The following GARNL3 variants were observed in gnomAD, a reference collection of about 807,000 sequenced individuals.
The protein encoded by GARNL3 is GTPase activating Rap/RanGAP domain like 3.
GARNL3 carries 63 observed loss-of-function variants against 125.0 expected under a neutral mutation model. That is an observed-to-expected ratio of 0.50 (90% CI 0.41 to 0.62). The LOEUF (loss-of-function observed/expected upper bound fraction) is 0.62, where lower values mean the gene tolerates loss of function less well. GARNL3 is among the 20% of genes least tolerant of loss of function. The pLI, the probability that GARNL3 is intolerant of heterozygous loss-of-function variation, is 0.00. For missense variants in GARNL3, 994 were observed against 1,244.0 expected (o/e 0.80, Z 3.02); for synonymous variants, 439 against 457.5 (o/e 0.96, Z 0.52).
chr9:127,257,947 T>C (rs1769563628), intron 2 of GARNL3, among the ~76,000 whole-genome samples: 1 of 152,240 alleles, frequency 6.6e-6, no homozygotes, highest in Admixed American at 6.5e-5. Flanking sequence ...TAGTGGCTAC[T>C]GTGTGCCATA....
chr9:127,319,418 G>A (rs1379013227), intron 5 of GARNL3, among the ~76,000 whole-genome samples: 1 of 151,984 alleles, frequency 6.6e-6, no homozygotes, highest in African/African-American at 2.4e-5. Context: ...GGAGGTGGAG[G>A]GTGCAGTGAG....
rs536624225 is a variant in GARNL3, at chr9:127,287,575, C to T, written c.145-3593C>T. Reference sequence around the variant, plus strand: ...CATCAGGCCCCAGCCACCACAGCCCCCTCTGCTTTAGTTAGCAAGCTGTGT... The same window carrying T: ...CATCAGGCCCCAGCCACCACAGCCCTCTCTGCTTTAGTTAGCAAGCTGTGT... On this transcript the variant is annotated intron_variant, in intron 1 of 27. Coordinates refer to ENST00000373387, the MANE Select transcript of GARNL3 (RefSeq NM_032293.5). Among the ~76,000 whole-genome samples the T allele has an allele frequency of 5.9e-5, 9 of 152,340 alleles. No homozygotes were observed. In the South Asian group the frequency reaches 1.7e-3, roughly 28 times the overall value.
At chr9:127,379,001 CTCCTGACCTCAAG>C (rs1832097792) in intron 22 of GARNL3, among the ~76,000 whole-genome samples, 1 of 152,178 alleles carries the variant, frequency 6.6e-6, no homozygotes, top group Admixed American at 6.5e-5. Context: ...TGGTCTCAAA[CTCCTGACCTCAAG>C]TGATCTGCCC....
chr9:127,278,448 G>T (rs765460750), intron 1 of GARNL3, among the ~76,000 whole-genome samples: 5 of 152,174 alleles, frequency 3.3e-5, no homozygotes, highest in Non-Finnish European at 4.4e-5. Context: ...AGCAATAGTT[G>T]CAGGTGTCCT....
chr9:127,351,842 T>G (rs1388441383), intron 17 of GARNL3, among the ~76,000 whole-genome samples: 1 of 152,226 alleles, frequency 6.6e-6, no homozygotes, highest in Non-Finnish European at 1.5e-5. Context: ...TCTAAAAGAT[T>G]GTTCTTCATA....
chr9:127,346,376 A>G (rs1830140394), intron 16 of GARNL3, among the ~76,000 whole-genome samples: 1 of 152,192 alleles, frequency 6.6e-6, no homozygotes, highest in Non-Finnish European at 1.5e-5. Flanking sequence ...TACGTGCTTT[A>G]AAGTCTGGTT....
intron 4 of GARNL3, 58 bp downstream of exon 4, chr9:127,313,617 C>A: frequency 9.0e-7 from 1 of 1,116,766 alleles, no homozygotes; most frequent in Non-Finnish European, 1.4e-6. Context: ...GGAGATAACC[C>A]CTGTGCTGTG....
intron 5 of GARNL3, among the ~76,000 whole-genome samples, chr9:127,318,949 G>A (rs1386332908): frequency 3.3e-5 from 5 of 152,166 alleles, no homozygotes; most frequent in Non-Finnish European, 5.9e-5. Context: ...GGTAAATCAC[G>A]GAGCTGGAGT....
chr9:127,350,123 T>C (rs2131642601), intron 17 of GARNL3, among the ~76,000 whole-genome samples: 1 of 152,324 alleles, frequency 6.6e-6, no homozygotes, highest in Middle Eastern at 3.4e-3. Flanking sequence ...TGTGTGCCCA[T>C]AGTCATTGTA....
At chr9:127,332,429 G>A in intron 8 of GARNL3, 80 bp downstream of exon 8, 1 of 1,108,846 alleles carries the variant, frequency 9.0e-7, no homozygotes, top group South Asian at 1.3e-5. Flanking sequence ...AGCTTAACTT[G>A]TCTGTTGAGT....
chr9:127,335,199 T>C (rs748726574), intron 9 of GARNL3, 31 bp from the exon 10 acceptor site: 1 of 1,440,750 alleles, frequency 6.9e-7, no homozygotes, highest in South Asian at 1.1e-5. Context: ...GAATTCTCTG[T>C]GCTCACTGAA....
chr9:127,252,863 A>G (rs2063430387), intron 2 of GARNL3, among the ~76,000 whole-genome samples: 1 of 152,212 alleles, frequency 6.6e-6, no homozygotes. Context: ...ACTTAATTGC[A>G]TTATCTATGT....
chr9:127,331,735 T>TTTTTTTTTTTTTTTTTTTTTTTTTTTTA (rs1554722987), intron 7 of GARNL3, among the ~76,000 whole-genome samples: 1 of 143,824 alleles, frequency 7.0e-6, no homozygotes, highest in Non-Finnish European at 1.5e-5. Flanking sequence ...TTTTTTTTTT[T>TTTTTTTTTTTTTTTTTTTTTTTTTTTTA]CACATCTGTT....
In GARNL3 at chr9:127,364,502, AGCAGGAG is replaced by A. The variant is rs1408113593; in HGVS notation, c.2095-795_2095-789del. 6.6e-6 allele frequency: 1 copy of A among 152,248 alleles called. No homozygotes were observed. Among genetic ancestry groups the A allele is most frequent in the East Asian group, 1.9e-4 (1 of 5,190 alleles). The allele number at this position is 152,248 out of a possible 1,614,324, so 9.4% of individuals were successfully genotyped here. On this transcript the variant is annotated intron_variant, in intron 21 of 27. Coordinates refer to ENST00000373387, the MANE Select transcript of GARNL3 (RefSeq NM_032293.5). This position sits in a 1 kb window ranked among gnomAD's most constrained non-coding sequence, Gnocchi z 4.2. ...AGAATACAAGTGAGGAAGTGAAAGGAGCAGGAGGCTCTTAGAGGGCTGGAGTTTTGAA... is the reference window on the plus strand; with the variant it reads ...AGAATACAAGTGAGGAAGTGAAAGGAGCTCTTAGAGGGCTGGAGTTTTGAA...
rs532254215 is a variant in GARNL3 at position 127,328,146 on chromosome 9, C to T, written c.594+3051C>T. 3.9e-3 allele frequency among the ~76,000 whole-genome samples: 587 copies of T among 152,278 alleles called. 2 individuals are homozygous for T. The highest frequency in any genetic ancestry group is 0.02 in the South Asian group (97 of 4,828). ...CCTGTTCACTGTTCATTGCATCCTC[C>T]TCTGCTTTTTTTGAAACTCCCAAGT... On this transcript the variant is annotated intron_variant, in intron 7 of 27. Transcript: ENST00000373387.
intron 2 of GARNL3, among the ~76,000 whole-genome samples, chr9:127,292,371 C>T (rs572657598): frequency 4.6e-5 from 7 of 152,226 alleles, no homozygotes; most frequent in African/African-American, 1.4e-4. Flanking sequence ...AATGGCCTGG[C>T]CCCTGGGACT....
chr9:127,340,057 G>A (rs1007810405), intron 13 of GARNL3, among the ~76,000 whole-genome samples: 2 of 151,970 alleles, frequency 1.3e-5, no homozygotes, highest in Non-Finnish European at 2.9e-5. Context: ...ATCTCTGCTT[G>A]TATATGTATC....
At chr9:127,279,017 G>T (rs2131323853) in intron 1 of GARNL3, among the ~76,000 whole-genome samples, 1 of 152,208 alleles carries the variant, frequency 6.6e-6, no homozygotes, top group Middle Eastern at 3.4e-3. Context: ...CATCTGCAAA[G>T]ACCCCATTTG....
At position 127,230,962 on chromosome 9, in the gene GARNL3, ATGTG is replaced by A. The variant is rs10552796; in HGVS notation, c.-29+6638_-29+6641del. ...AAGCTAATACAGGCAAACGATATAT[ATGTG>A]TGTGTGTGTGTGTATACACATATAT... On this transcript the variant is annotated intron_variant, in intron 1 of 10. Coordinates refer to the GARNL3 transcript ENST00000439286. Among the ~76,000 whole-genome samples, 31 of 141,118 alleles carry A rather than the reference ATGTG, an allele frequency of 2.2e-4. 1 individual carries two copies. Among genetic ancestry groups the A allele is most frequent in the South Asian group, 1.3e-3 (6 of 4,558 alleles). 92.6% of individuals were successfully genotyped at this position (141,118 alleles called of 152,430 possible).
Sources: allele counts gnomAD v4.1 joint callset (sites outside exome capture counted in the v4.1 genomes callset), GRCh38; gene constraint gnomAD v4.1.1; non-coding constraint Gnocchi (gnomAD v3.1); transcripts MANE v1.5; gene names NCBI Gene and HGNC (gene_info 2026-07-23, HGNC 2026-07-21).